Variants in SNX29 observed in about 807,000 individuals in gnomAD.
The protein encoded by SNX29 is sorting nexin-29.
SNX29 carries 78 observed loss-of-function variants against 102.1 expected under a neutral mutation model. The ratio of observed to expected loss-of-function variants is 0.76; its 90% confidence interval spans 0.64 to 0.92. The LOEUF (loss-of-function observed/expected upper bound fraction) is 0.92. Ranked by LOEUF, SNX29 falls within the 40% of genes least tolerant of loss-of-function variation. The probability of loss-of-function intolerance (pLI) is 0.00; values close to 1 mark genes in which losing one functional copy is unlikely to be tolerated. For synonymous variants in SNX29, 580 were observed against 414.5 expected, an observed-to-expected ratio of 1.40 and a Z score of -4.85; for missense variants, 1,280 against 1,061.7, an observed-to-expected ratio of 1.21 and a Z score of -2.86.
chr16:12,070,599 C>T (rs189303701), intron 10 of SNX29, among the ~76,000 whole-genome samples: 22 of 151,866 alleles, frequency 1.4e-4, no homozygotes, highest in East Asian at 3.9e-4. Context: ...CGGGTTGGTT[C>T]CAAGTCTTTG....
At chr16:12,559,831 C>A (rs931738225) in intron 20 of SNX29, among the ~76,000 whole-genome samples, 15 of 152,172 alleles carry the variant, frequency 9.9e-5, no homozygotes, top group African/African-American at 3.4e-4. Context: ...TCATCTCTGG[C>A]ATTCTAATGC....
chr16:12,380,642 TCCAC>T (rs2083059853), intron 16 of SNX29, among the ~76,000 whole-genome samples: 1 of 29,828 alleles, frequency 3.4e-5, no homozygotes, highest in Non-Finnish European at 6.3e-5. Flanking sequence ...CATCCATCCA[TCCAC>T]CCACCATCCA....
At chr16:12,464,983 C>G (rs1466648346) in intron 18 of SNX29, among the ~76,000 whole-genome samples, 1 of 152,230 alleles carries the variant, frequency 6.6e-6, no homozygotes, top group South Asian at 2.1e-4. Flanking sequence ...TTCCGATTTA[C>G]ACTTCTCTGA....
chr16:12,547,299 G>C (rs1241789130), intron 20 of SNX29, among the ~76,000 whole-genome samples: 1 of 152,182 alleles, frequency 6.6e-6, no homozygotes, highest in Non-Finnish European at 1.5e-5. Flanking sequence ...AAACAGCAAG[G>C]AAGCCAGGGT....
At chr16:12,042,876 G>C in intron 4 of SNX29, 21 bp from the exon 5 acceptor site, 1 of 1,587,890 alleles carries the variant, frequency 6.3e-7, no homozygotes. Context: ...AGTGCCAGGC[G>C]CCTGTGCCCT....
intron 10 of SNX29, among the ~76,000 whole-genome samples, chr16:12,070,989 TC>T (rs1454391999): frequency 6.6e-6 from 1 of 152,142 alleles, no homozygotes; most frequent in African/African-American, 2.4e-5. Context: ...AAGTGTCTGT[TC>T]ATATCCTTTG....
rs1467990981 is a variant in SNX29, at chr16:12,569,174, C to G, written c.*545C>G. The G allele has an allele frequency of 5.0e-6, 1 of 201,458 alleles. No individual in the cohort carries two copies. Among genetic ancestry groups the G allele is most frequent in the South Asian group, 2.0e-4 (1 of 5,012 alleles). The allele number at this position is 201,458 out of a possible 1,614,324, so 12.5% of individuals were successfully genotyped here. On this transcript the variant is annotated 3_prime_UTR_variant, in exon 21 of 21. Coordinates refer to ENST00000566228, the MANE Select transcript of SNX29 (RefSeq NM_032167.5). ...TTCCTTTCACTGCATTTTCCACCAA[C>G]AGTCATTAGACACCTGGCACTGTCA...
chr16:12,117,674 C>T (rs1471167526), intron 11 of SNX29, among the ~76,000 whole-genome samples: 2 of 152,176 alleles, frequency 1.3e-5, no homozygotes, highest in Admixed American at 6.5e-5. Flanking sequence ...GTGGTAGAAA[C>T]GTTCTAGAAC....
chr16:12,273,343 T>G (rs2079147452), intron 14 of SNX29, among the ~76,000 whole-genome samples: 1 of 20,914 alleles, frequency 4.8e-5, no homozygotes, highest in Admixed American at 4.6e-4. Context: ...TTGTTTTTTG[T>G]TTTTTTTTTT....
chr16:12,558,974 A>G (rs996565749), intron 20 of SNX29, among the ~76,000 whole-genome samples: 1 of 152,230 alleles, frequency 6.6e-6, no homozygotes, highest in African/African-American at 2.4e-5. Context: ...AGAGGGATTC[A>G]GAGACTTTAA....
At chr16:12,179,564 C>G (rs749283085) in intron 13 of SNX29, among the ~76,000 whole-genome samples, 5 of 152,194 alleles carry the variant, frequency 3.3e-5, no homozygotes, top group African/African-American at 1.2e-4. Context: ...TTTACCTGAG[C>G]CTATGGCCAG....
At chr16:12,567,253 C>T (rs531419265) in intron 20 of SNX29, among the ~76,000 whole-genome samples, 5 of 152,048 alleles carry the variant, frequency 3.3e-5, no homozygotes, top group African/African-American at 1.2e-4. Flanking sequence ...ACAGTCCTGT[C>T]TTCCCTTGTA....
At position 12,285,804 on chromosome 16, in the gene SNX29, C is replaced by A. The variant is rs76806043; in HGVS notation, c.1782+7768C>A. Among the ~76,000 whole-genome samples the A allele has an allele frequency of 8.5e-5, 13 of 152,298 alleles. No individual in the cohort carries two copies. The East Asian group carries it at 2.5e-3, about 29-fold the overall frequency. On this transcript the variant is annotated intron_variant, in intron 15 of 20. Coordinates refer to ENST00000566228, the MANE Select transcript of SNX29 (RefSeq NM_032167.5). ...AGGATAAAAAACTCTGAGCTGAGATCTACATTAAACTGATACTCAAAATGA... is the reference window on the plus strand; with the variant it reads ...AGGATAAAAAACTCTGAGCTGAGATATACATTAAACTGATACTCAAAATGA...
At chr16:12,062,090 G>A (rs1365141996) in intron 9 of SNX29, among the ~76,000 whole-genome samples, 1 of 152,102 alleles carries the variant, frequency 6.6e-6, no homozygotes, top group Non-Finnish European at 1.5e-5. Flanking sequence ...GTTAAAAGCT[G>A]TTTCTGGGCT....
chr16:12,568,540 C>CG lies in SNX29; in HGVS notation c.2355dup (p.Pro786AlafsTer27). On this transcript the variant is annotated frameshift_variant, in exon 21 of 21. Transcript: ENST00000566228. LOFTEE classifies it high-confidence loss of function. The stretch of plus-strand genomic sequence containing the variant: ...CCCGCCCGGAGAGCCTGTGAACAGC[C>CG]GGCCCAAAGCAGCTTCCCGCTTCCC... 6.2e-7 allele frequency: 1 copy of CG among 1,609,684 alleles called. No individual in the cohort carries two copies. Among genetic ancestry groups the CG allele is most frequent in the African/African-American group, 1.3e-5 (1 of 75,040 alleles).
chr16:12,514,652 G>T (rs1424986731), intron 19 of SNX29, among the ~76,000 whole-genome samples: 1 of 152,202 alleles, frequency 6.6e-6, no homozygotes, highest in Middle Eastern at 3.4e-3. Context: ...ATCACTTGAG[G>T]CCAGGAGTTC....
intron 14 of SNX29, among the ~76,000 whole-genome samples, chr16:12,249,235 A>G (rs555731990): frequency 1.3e-5 from 2 of 152,112 alleles, no homozygotes; most frequent in Non-Finnish European, 2.9e-5. Context: ...GGGCCAACTC[A>G]ATGAAGGCCA....
intron 20 of SNX29, among the ~76,000 whole-genome samples, chr16:12,527,643 G>A (rs927141488): frequency 3.9e-5 from 6 of 152,080 alleles, no homozygotes; most frequent in African/African-American, 9.7e-5. Flanking sequence ...TCAAAGGGGC[G>A]AACTGGCTGG....
At chr16:12,475,505 T>C (rs2087550169) in intron 18 of SNX29, among the ~76,000 whole-genome samples, 1 of 152,194 alleles carries the variant, frequency 6.6e-6, no homozygotes, top group South Asian at 2.1e-4. Flanking sequence ...TATGATGGGG[T>C]TATGTCCCGG....
Sources: allele counts gnomAD v4.1 joint callset (sites outside exome capture counted in the v4.1 genomes callset), GRCh38; gene constraint gnomAD v4.1.1; transcripts MANE v1.5; gene names NCBI Gene and HGNC (gene_info 2026-07-23, HGNC 2026-07-21).